The following PAX7 variants were observed in gnomAD, a reference collection of about 807,000 sequenced individuals.
The protein encoded by PAX7 is paired box 7, also known as paired box protein Pax-7.
Under a neutral mutation model 50.7 loss-of-function variants are expected in PAX7, and 18 were observed. The observed-to-expected ratio is 0.36, with a 90% CI of 0.25 to 0.53. The LOEUF is 0.53. Ranked by LOEUF, PAX7 falls within the 20% of genes least tolerant of loss-of-function variation. The pLI, the probability that PAX7 is intolerant of heterozygous loss-of-function variation, is 0.93. For synonymous variants in PAX7, 310 were observed against 290.4 expected, an observed-to-expected ratio of 1.07 and a Z score of -0.69; for missense variants, 644 against 702.9, an observed-to-expected ratio of 0.92 and a Z score of 0.95.
chr1:18,646,532 C>CCGGGAA (rs1292182554), intron 4 of PAX7, among the ~76,000 whole-genome samples: 1 of 152,204 alleles, frequency 6.6e-6, no homozygotes, highest in African/African-American at 2.4e-5. Context: ...GGAAACTGGT[C>CCGGGAA]AGCGGGTGCA....
chr1:18,740,035 C>T (rs1029914986), intron 8 of PAX7, among the ~76,000 whole-genome samples: 2 of 152,312 alleles, frequency 1.3e-5, no homozygotes, highest in Middle Eastern at 3.4e-3. Flanking sequence ...TACCGGTTGG[C>T]ATCACCACCA....
At chr1:18,710,067 A>C (rs1162380001) in intron 7 of PAX7, among the ~76,000 whole-genome samples, 2 of 152,246 alleles carry the variant, frequency 1.3e-5, no homozygotes, top group African/African-American at 4.8e-5. Context: ...CAGCCAGTTC[A>C]GCAAGAAAAG....
chr1:18,737,646 A>G (rs1266639128), intron 8 of PAX7, among the ~76,000 whole-genome samples: 2 of 152,268 alleles, frequency 1.3e-5, no homozygotes, highest in Non-Finnish European at 1.5e-5. Context: ...GCATATGTGT[A>G]TATGACTTCA....
intron 6 of PAX7, among the ~76,000 whole-genome samples, chr1:18,701,358 G>A (rs74056073): frequency 0.016 from 2,414 of 152,104 alleles, 53 homozygotes; most frequent in African/African-American, 0.051. Context: ...GCATGAGTGT[G>A]TGCGTATGAG....
rs1371856585 is a variant in PAX7, at chr1:18,636,628, G to C, written c.586+257G>C. On this transcript the variant is annotated intron_variant, in intron 4 of 8. Coordinates refer to ENST00000420770, the MANE Select transcript of PAX7 (RefSeq NM_001135254.2). This position sits in a 1 kb window ranked among gnomAD's most constrained non-coding sequence, Gnocchi z 5.1. ...CGGGCACGGACGGCCTGTGAGTCCC[G>C]GGAGAGCCCGGCTGCGGGGCTGCGC... 4.6e-5 allele frequency among the ~76,000 whole-genome samples: 7 copies of C among 152,322 alleles called. No homozygotes were observed. The East Asian group carries it at 1.4e-3, about 29-fold the overall frequency.
intron 7 of PAX7, among the ~76,000 whole-genome samples, chr1:18,704,560 C>T (rs994796571): frequency 2.6e-5 from 4 of 152,078 alleles, no homozygotes; most frequent in African/African-American, 9.7e-5. Flanking sequence ...ACAGAGGTTG[C>T]AGTGAGCCAA....
intron 4 of PAX7, among the ~76,000 whole-genome samples, chr1:18,654,703 C>G (rs771191655): frequency 9.9e-5 from 15 of 152,200 alleles, no homozygotes; most frequent in Non-Finnish European, 2.2e-4. Flanking sequence ...GGAGGGAGCT[C>G]TGGAAAGCAA....
rs1469646519 is a variant in PAX7, at chr1:18,630,999, G to C, written c.-605G>C. The C allele has an allele frequency of 1.3e-5, 3 of 223,562 alleles. No homozygotes were observed. The highest frequency in any genetic ancestry group is 2.7e-5 in the Non-Finnish European group (3 of 111,884). The allele number at this position is 223,562 out of a possible 1,614,324, so 13.8% of individuals were successfully genotyped here. A position where few individuals can be genotyped will look rare whatever the true frequency, so the allele number is the denominator to read the frequency against. On this transcript the variant is annotated 5_prime_UTR_variant, in exon 1 of 9. Transcript: ENST00000420770. ...CTGTCCCCGGGTCTCCTAGGGGACG[G>C]GGCTGTGAAAGCTGGTGTGGAGGGA...
At chr1:18,744,735 T>TGGAA in intron 8 of PAX7, 79 bp from the exon 9 acceptor site, 1 of 761,550 alleles carries the variant, frequency 1.3e-6, no homozygotes, top group Non-Finnish European at 2.3e-6. Flanking sequence ...GATGGATGGA[T>TGGAA]GGATGGGTGT....
chr1:18,690,561 G>A (rs2089054003), intron 4 of PAX7, among the ~76,000 whole-genome samples: 1 of 152,174 alleles, frequency 6.6e-6, no homozygotes, highest in Admixed American at 6.5e-5. Flanking sequence ...GGGGCTTCCT[G>A]CAGCCTCCCT....
chr1:18,631,697 G>A lies in PAX7; in HGVS notation c.85+9G>A, dbSNP rs538173672. The A allele has an allele frequency of 2.9e-5, 47 of 1,606,324 alleles. No individual in the cohort carries two copies. In the South Asian group the frequency reaches 4.2e-4, roughly 14 times the overall value. On this transcript the variant is annotated intron_variant, in intron 1 of 8. Transcript: ENST00000420770. ...GGGATTCCCTTTGGAAGGTAAGAAC[G>A]CCCAGGCTGGCCTCGCCGCGACTCC...
chr1:18,712,290 C>T (rs922365056), intron 7 of PAX7, among the ~76,000 whole-genome samples: 1 of 152,062 alleles, frequency 6.6e-6, no homozygotes, highest in South Asian at 2.1e-4. Flanking sequence ...TAACCCACCT[C>T]AGTGGGAAAC....
At chr1:18,722,643 G>A (rs1005450691) in intron 7 of PAX7, among the ~76,000 whole-genome samples, 15 of 152,110 alleles carry the variant, frequency 9.9e-5, no homozygotes, top group African/African-American at 2.9e-4. Context: ...GCAGGGCGTC[G>A]ACATAGCTGG....
chr1:18,707,415 C>CTTTTTTTTTTTTTT (rs60914648), intron 7 of PAX7, among the ~76,000 whole-genome samples: 1 of 28,054 alleles, frequency 3.6e-5, no homozygotes, highest in Non-Finnish European at 7.5e-5. Flanking sequence ...TTTTTTCTTT[C>CTTTTTTTTTTTTTT]TTTTTTTTTT....
At chr1:18,651,041 G>A (rs1436192653) in intron 4 of PAX7, among the ~76,000 whole-genome samples, 1 of 152,132 alleles carries the variant, frequency 6.6e-6, no homozygotes, top group African/African-American at 2.4e-5. Context: ...TGCACGGAAG[G>A]ACCCCTGGAC....
chr1:18,737,140 G>T (rs1930760798), intron 8 of PAX7, among the ~76,000 whole-genome samples: 1 of 152,264 alleles, frequency 6.6e-6, no homozygotes, highest in Non-Finnish European at 1.5e-5. Flanking sequence ...CAGCAGGGCA[G>T]GTCCAGATGG....
intron 5 of PAX7, among the ~76,000 whole-genome samples, chr1:18,696,368 T>G (rs879742664): frequency 0.057 from 8,630 of 152,216 alleles, 416 homozygotes; most frequent in East Asian, 0.25. Context: ...CACCCAGCCT[T>G]CATGGTGCAT....
chr1:18,668,377 C>T (rs2088698331), intron 4 of PAX7, among the ~76,000 whole-genome samples: 1 of 152,140 alleles, frequency 6.6e-6, no homozygotes, highest in Admixed American at 6.5e-5. Flanking sequence ...TGCCTGGCAC[C>T]TAGTAGGTGC....
At chr1:18,729,690 T>G (rs948651760) in intron 7 of PAX7, among the ~76,000 whole-genome samples, 1 of 152,154 alleles carries the variant, frequency 6.6e-6, no homozygotes, top group African/African-American at 2.4e-5. Flanking sequence ...TGGAGTTGTG[T>G]GGATTCCAGG....
Sources: allele counts gnomAD v4.1 joint callset (sites outside exome capture counted in the v4.1 genomes callset), GRCh38; gene constraint gnomAD v4.1.1; non-coding constraint Gnocchi (gnomAD v3.1); transcripts MANE v1.5; gene names NCBI Gene and HGNC (gene_info 2026-07-23, HGNC 2026-07-21).